Variants in NDST4 observed in about 807,000 individuals in gnomAD.
NDST4 encodes N-deacetylase and N-sulfotransferase 4.
A neutral mutation model predicts 100.8 loss-of-function variants in NDST4; 63 were observed. The ratio of observed to expected loss-of-function variants is 0.62; its 90% confidence interval spans 0.51 to 0.77. The LOEUF (loss-of-function observed/expected upper bound fraction) is 0.77. NDST4 is among the 30% of genes least tolerant of loss of function. NDST4 has a pLI of 0.00. For missense variants in NDST4, 943 were observed against 1,018.4 expected (o/e 0.93, Z 1.01); for synonymous variants, 377 against 361.8 (o/e 1.04, Z -0.48).
At chr4:114,907,909 A>G (rs1407915882) in intron 6 of NDST4, among the ~76,000 whole-genome samples, 1 of 152,206 alleles carries the variant, frequency 6.6e-6, no homozygotes, top group East Asian at 1.9e-4. Flanking sequence ...TGTGAGACTA[A>G]CTAGAGTCAG....
chr4:115,062,235 G>C (rs1728840023), intron 2 of NDST4, among the ~76,000 whole-genome samples: 1 of 151,944 alleles, frequency 6.6e-6, no homozygotes, highest in African/African-American at 2.4e-5. Context: ...CAAGGCAATT[G>C]AAATACTTTT....
At chr4:115,031,475 A>ACTGC (rs1458104426) in intron 2 of NDST4, among the ~76,000 whole-genome samples, 1 of 152,018 alleles carries the variant, frequency 6.6e-6, no homozygotes, top group African/African-American at 2.4e-5. Context: ...GGTGTAGAGT[A>ACTGC]CTGCCTGACC....
At chr4:114,942,337 T>G (rs1014279383) in intron 4 of NDST4, among the ~76,000 whole-genome samples, 3 of 152,136 alleles carry the variant, frequency 2.0e-5, no homozygotes, top group African/African-American at 7.2e-5. Flanking sequence ...GGAAATCAGA[T>G]AGAAGTGTCT....
chr4:115,076,407 A>G lies in NDST4; in HGVS notation c.630T>C (p.Val210=). Residue 210 remains valine (V), a synonymous_variant, in exon 2 of 14, where the codon GTT becomes GTC. Transcript: ENST00000264363. ...PLLHITKAPK[V]EKGPLPGEDW... ...CTTCCCCAGGAAGAGGGCCTTTCTC[A>G]ACCTTGGGGGCTTTGGTAATATGCA... 1 of 1,613,964 alleles carries G rather than the reference A, an allele frequency of 6.2e-7. No individual in the cohort carries two copies.
intron 1 of NDST4, among the ~76,000 whole-genome samples, chr4:115,096,805 G>C (rs1365699067): frequency 6.6e-6 from 1 of 152,072 alleles, no homozygotes; most frequent in East Asian, 1.9e-4. Context: ...CAGCAAAACT[G>C]TTTGAAATGC....
chr4:114,966,002 CA>C (rs1433877003), intron 4 of NDST4, among the ~76,000 whole-genome samples: 1 of 151,914 alleles, frequency 6.6e-6, no homozygotes, highest in African/African-American at 2.4e-5. Flanking sequence ...AACTGAATAG[CA>C]GCAAAGATCT....
intron 2 of NDST4, among the ~76,000 whole-genome samples, chr4:115,025,099 A>T (rs1475953341): frequency 6.6e-6 from 1 of 152,184 alleles, no homozygotes; most frequent in African/African-American, 2.4e-5. Flanking sequence ...GTTCATTATA[A>T]ATTACCGAGT....
At chr4:114,860,379 T>C (rs1485688559) in intron 7 of NDST4, among the ~76,000 whole-genome samples, 1 of 152,238 alleles carries the variant, frequency 6.6e-6, no homozygotes, top group Non-Finnish European at 1.5e-5. Flanking sequence ...ATCCCCTATT[T>C]AGCTTATTAT....
chr4:115,056,893 A>T (rs1728706320), intron 2 of NDST4, among the ~76,000 whole-genome samples: 1 of 118,308 alleles, frequency 8.5e-6, no homozygotes, highest in African/African-American at 2.7e-5. Context: ...AATTTTGAAA[A>T]CTATGTTATA....
rs184616652 is a variant in NDST4, at chr4:115,032,555, T to G, written c.978+43504A>C. On this transcript the variant is annotated intron_variant, in intron 2 of 13. Transcript: ENST00000264363. ...TCCCACATTTGAAAGAACTGAGCAT[T>G]TTCTCTTCTTTGCACTGCCTGCCTC... 1.1e-3 allele frequency among the ~76,000 whole-genome samples: 173 copies of G among 152,208 alleles called. 1 individual carries two copies. Among genetic ancestry groups the G allele is most frequent in the South Asian group, 1.0e-3 (5 of 4,828 alleles).
chr4:114,927,821 T>C (rs142117559), intron 6 of NDST4, among the ~76,000 whole-genome samples: 98 of 152,264 alleles, frequency 6.4e-4, no homozygotes, highest in African/African-American at 2.2e-3. Context: ...AAATCCAGCA[T>C]AGATTGGCTT....
chr4:115,097,791 A>C (rs1388976609), intron 1 of NDST4, among the ~76,000 whole-genome samples: 2 of 152,116 alleles, frequency 1.3e-5, no homozygotes, highest in Non-Finnish European at 2.9e-5. Context: ...AGTGGTCCAC[A>C]CAGTTCTACC....
At position 115,042,340 on chromosome 4, in the gene NDST4, C is replaced by T. The variant is rs571247191; in HGVS notation, c.978+33719G>A. On this transcript the variant is annotated intron_variant, in intron 2 of 13. Coordinates refer to ENST00000264363, the MANE Select transcript of NDST4 (RefSeq NM_022569.3). The stretch of plus-strand genomic sequence containing the variant: ...GTTATGGCTCAATGATCCAAGATCA[C>T]CTGAAGCAGATGATTTTAGAAGGAT... 9.9e-5 allele frequency among the ~76,000 whole-genome samples: 15 copies of T among 152,158 alleles called. No homozygotes were observed. The South Asian group carries it at 3.1e-3, about 32-fold the overall frequency.
At chr4:114,874,474 T>C (rs1462781306) in intron 6 of NDST4, among the ~76,000 whole-genome samples, 1 of 152,222 alleles carries the variant, frequency 6.6e-6, no homozygotes, top group East Asian at 1.9e-4. Context: ...ACGCCATCCA[T>C]ATTGGTTGCA....
intron 4 of NDST4, among the ~76,000 whole-genome samples, chr4:114,940,385 C>T (rs928062521): frequency 6.6e-6 from 1 of 152,214 alleles, no homozygotes; most frequent in Non-Finnish European, 1.5e-5. Context: ...AAAGCTCTAA[C>T]AGCAACTGAA....
At chr4:115,030,995 TC>T (rs1349160036) in intron 2 of NDST4, among the ~76,000 whole-genome samples, 3 of 152,120 alleles carry the variant, frequency 2.0e-5, no homozygotes, top group African/African-American at 7.2e-5. Flanking sequence ...TACAATGTCA[TC>T]ACCCCATCTA....
chr4:114,839,669 C>T (rs543608947), intron 10 of NDST4, 121 bp from the exon 11 acceptor site: 12 of 651,350 alleles, frequency 1.8e-5, no homozygotes, highest in Non-Finnish European at 2.7e-5. Context: ...TGTGTGTGTC[C>T]TTTATGTCAC....
At chr4:114,943,665 A>G (rs554160317) in intron 4 of NDST4, among the ~76,000 whole-genome samples, 4 of 152,154 alleles carry the variant, frequency 2.6e-5, no homozygotes, top group Non-Finnish European at 5.9e-5. Context: ...TAATAAAAAT[A>G]TTTGTTATTC....
chr4:115,060,886 C>T (rs1162394306), intron 2 of NDST4, among the ~76,000 whole-genome samples: 1 of 151,810 alleles, frequency 6.6e-6, no homozygotes, highest in African/African-American at 2.4e-5. Flanking sequence ...TAATTTTCTT[C>T]TTTCAATTAG....
Sources: allele counts gnomAD v4.1 joint callset (sites outside exome capture counted in the v4.1 genomes callset), GRCh38; gene constraint gnomAD v4.1.1; transcripts MANE v1.5; gene names NCBI Gene and HGNC (gene_info 2026-07-23, HGNC 2026-07-21).